Variants in TMC2 observed in about 807,000 individuals in gnomAD.
The protein encoded by TMC2 is transmembrane channel-like protein 2.
TMC2 carries 102 observed loss-of-function variants against 105.9 expected under a neutral mutation model. That is an observed-to-expected ratio of 0.96 (90% CI 0.82 to 1.14). The LOEUF (loss-of-function observed/expected upper bound fraction) is 1.14, where lower values mean the gene tolerates loss of function less well. Among genes scored for constraint, TMC2 ranks in the 50% most tolerant of loss-of-function variants. The pLI is 0.00. For missense variants in TMC2, 1,093 were observed against 1,134.3 expected (o/e 0.96, Z 0.52); for synonymous variants, 402 against 422.8 (o/e 0.95, Z 0.60).
At position 2,595,576 on chromosome 20, in the gene TMC2, T is replaced by C. The variant is rs375895653; in HGVS notation, c.1076+609T>C. ...CAGAAGTGGCCTTTTAATATGTCTG[T>C]AACTCTTAATTCCTATTCTCTGAAA... On this transcript the variant is annotated intron_variant, in intron 9 of 19. Coordinates refer to ENST00000358864, the MANE Select transcript of TMC2 (RefSeq NM_080751.3). Among the ~76,000 whole-genome samples the C allele has an allele frequency of 1.7e-3, 252 of 152,330 alleles. 7 individuals carry two copies. The highest frequency in any genetic ancestry group is 6.8e-3 in the Middle Eastern group (2 of 294).
At chr20:2,630,119 TAGA>T (rs2086593171) in intron 17 of TMC2, among the ~76,000 whole-genome samples, 1 of 152,184 alleles carries the variant, frequency 6.6e-6, no homozygotes, top group Non-Finnish European at 1.5e-5. Flanking sequence ...AAAAAATATT[TAGA>T]AGAAGAAGGA....
chr20:2,593,553 A>G (rs1480001426), intron 8 of TMC2, among the ~76,000 whole-genome samples: 1 of 152,226 alleles, frequency 6.6e-6, no homozygotes, highest in Admixed American at 6.5e-5. Flanking sequence ...TTGCGTGTGT[A>G]AGTGTGAAAC....
intron 7 of TMC2, among the ~76,000 whole-genome samples, chr20:2,590,410 A>G (rs1406361611): frequency 6.6e-6 from 1 of 152,098 alleles, no homozygotes; most frequent in Non-Finnish European, 1.5e-5. Flanking sequence ...TTTTATTATG[A>G]TCAACTATAC....
intron 16 of TMC2, among the ~76,000 whole-genome samples, chr20:2,619,168 G>T (rs2086506778): frequency 6.6e-6 from 1 of 152,178 alleles, no homozygotes; most frequent in Non-Finnish European, 1.5e-5. Flanking sequence ...AATGCAGTTT[G>T]TCGGCTTTGG....
intron 7 of TMC2, among the ~76,000 whole-genome samples, chr20:2,583,132 T>C (rs367905617): frequency 4.6e-5 from 7 of 152,342 alleles, no homozygotes; most frequent in African/African-American, 9.6e-5. Context: ...TTTAAAAGCT[T>C]CTGTGGAAAG....
chr20:2,594,255 T>A (rs990969651), intron 8 of TMC2, among the ~76,000 whole-genome samples: 1 of 143,100 alleles, frequency 7.0e-6, no homozygotes, highest in African/African-American at 2.7e-5. Flanking sequence ...TGAGACAGAG[T>A]CTCCCTCTGT....
At chr20:2,539,952 C>T (rs1034711006) in intron 2 of TMC2, among the ~76,000 whole-genome samples, 2 of 107,120 alleles carry the variant, frequency 1.9e-5, no homozygotes, top group Non-Finnish European at 4.2e-5. Flanking sequence ...AGCTCACTCC[C>T]GCAAATAGCA....
intron 2 of TMC2, among the ~76,000 whole-genome samples, chr20:2,541,900 C>T (rs1018612510): frequency 9.1e-5 from 5 of 54,946 alleles, no homozygotes; most frequent in Admixed American, 2.2e-4. Flanking sequence ...CTGCATTTTC[C>T]GCCGTTTCCT....
intron 4 of TMC2, among the ~76,000 whole-genome samples, chr20:2,564,868 G>T (rs973776887): frequency 3.3e-5 from 5 of 152,136 alleles, no homozygotes; most frequent in Admixed American, 2.0e-4. Context: ...TCTCTTCCTA[G>T]CTTCTTCCCT....
intron 11 of TMC2, among the ~76,000 whole-genome samples, chr20:2,606,258 T>G (rs1457221607): frequency 2.0e-5 from 3 of 152,222 alleles, no homozygotes; most frequent in Non-Finnish European, 4.4e-5. Context: ...GTGTATTTAT[T>G]TATTTATTTA....
intron 17 of TMC2, among the ~76,000 whole-genome samples, chr20:2,633,773 G>C (rs1431612762): frequency 6.6e-6 from 1 of 152,174 alleles, no homozygotes; most frequent in Non-Finnish European, 1.5e-5. Flanking sequence ...TAGGGGAGGG[G>C]ATATAAGGCA....
intron 14 of TMC2, 119 bp downstream of exon 14, chr20:2,613,441 C>T: frequency 7.0e-7 from 1 of 1,421,742 alleles, no homozygotes; most frequent in African/African-American, 1.4e-5. Context: ...ACGGTCTCTG[C>T]TCTGTAGAGT....
chr20:2,557,569 C>T (rs927592318), intron 2 of TMC2, among the ~76,000 whole-genome samples: 5 of 152,138 alleles, frequency 3.3e-5, no homozygotes, highest in East Asian at 1.9e-4. Flanking sequence ...TCGCTCTTGT[C>T]GCTTAGGCTG....
At position 2,592,772 on chromosome 20, in the gene TMC2, G is replaced by A. The variant is rs972870201; in HGVS notation, c.933+364G>A. Among the ~76,000 whole-genome samples, 38 of 152,108 alleles carry A rather than the reference G, an allele frequency of 2.5e-4. No homozygotes were observed. Among genetic ancestry groups the A allele is most frequent in the Admixed American group, 7.9e-4 (12 of 15,272 alleles). ...CAAGTTTCACATGACATCTTCAACT[G>A]AATGTCCTACTTGCTCTTCAAATGC... On this transcript the variant is annotated intron_variant, in intron 8 of 19. Transcript: ENST00000358864. This position sits in a 1 kb window ranked among gnomAD's most constrained non-coding sequence, Gnocchi z 4.9.
chr20:2,598,812 G>A (rs2086328395), intron 10 of TMC2, among the ~76,000 whole-genome samples: 1 of 151,984 alleles, frequency 6.6e-6, no homozygotes, highest in South Asian at 2.1e-4. Context: ...ACTGGGTGTT[G>A]TTTATTTATG....
At chr20:2,584,038 A>G (rs2086213770) in intron 7 of TMC2, among the ~76,000 whole-genome samples, 2 of 152,168 alleles carry the variant, frequency 1.3e-5, no homozygotes, top group Admixed American at 6.5e-5. Context: ...AATGTACATT[A>G]TAAGGTCTTT....
chr20:2,605,362 G>T (rs1349740291), intron 11 of TMC2, among the ~76,000 whole-genome samples: 1 of 152,174 alleles, frequency 6.6e-6, no homozygotes, highest in African/African-American at 2.4e-5. Context: ...CACCGTTCTG[G>T]AGGCTGGAAG....
At chr20:2,546,320 C>T (rs530029978) in intron 2 of TMC2, among the ~76,000 whole-genome samples, 8 of 151,872 alleles carry the variant, frequency 5.3e-5, no homozygotes, top group East Asian at 3.9e-4. Context: ...TAGCTGGGTA[C>T]GAAACTCATA....
At chr20:2,617,374 G>C (rs938383790) in intron 16 of TMC2, 63 bp downstream of exon 16, 3 of 1,589,862 alleles carry the variant, frequency 1.9e-6, no homozygotes, top group East Asian at 2.2e-5. Context: ...AGAGGGCCTC[G>C]GCCCAGAATT....
Sources: allele counts gnomAD v4.1 joint callset (sites outside exome capture counted in the v4.1 genomes callset), GRCh38; gene constraint gnomAD v4.1.1; non-coding constraint Gnocchi (gnomAD v3.1); transcripts MANE v1.5; gene names NCBI Gene and HGNC (gene_info 2026-07-23, HGNC 2026-07-21).